Variants in ALG1 observed in about 807,000 individuals in gnomAD.
ALG1 encodes chitobiosyldiphosphodolichol beta-mannosyltransferase.
ALG1 carries 58 observed loss-of-function variants against 55.1 expected under a neutral mutation model. The ratio of observed to expected loss-of-function variants is 1.05; its 90% CI spans 0.85 to 1.31. The LOEUF (loss-of-function observed/expected upper bound fraction) is 1.31, where lower values mean the gene tolerates loss of function less well. Ranked by LOEUF, ALG1 falls within the 50% of genes most tolerant of loss-of-function variation. The pLI, the probability that ALG1 is intolerant of heterozygous loss-of-function variation, is 0.00. For missense variants in ALG1, 761 were observed against 598.6 expected (o/e 1.27, Z -2.83); for synonymous variants, 309 against 247.0 (o/e 1.25, Z -2.35).
chr16:5,084,180 G>A lies in ALG1; in HGVS notation c.1263+423G>A, dbSNP rs181795268. 3.4e-3 allele frequency: 978 copies of A among 289,234 alleles called. 4 individuals are homozygous for A. The highest frequency in any genetic ancestry group is 4.6e-3 in the Non-Finnish European group (687 of 150,870). 17.9% of individuals were successfully genotyped at this position (289,234 alleles called of 1,614,324 possible). A position where few individuals can be genotyped will look rare whatever the true frequency, so the allele number is the denominator to read the frequency against. ...TTCTTGCCAACAGAATGATTGGCAG[G>A]ATTTTCAGTAAAGGTCCAGGTCGGA... is the stretch of plus-strand genomic sequence containing the variant. On this transcript the variant is annotated intron_variant, in intron 12 of 12. Transcript: ENST00000262374.
In ALG1 at chr16:5,075,522, T is replaced by G; in HGVS notation, c.525T>G (p.Val175=). ...GLVHGPNHPL[V]LLAKWYEKFF... is the part of the protein sequence containing the mutation. The stretch of plus-strand genomic sequence containing the variant: ...TGCATGGCCCCAACCATCCCCTCGT[T>G]CTGCTGGCCAAGTGGTGAGAGTCTA... Residue 175 remains valine, a synonymous_variant, in exon 4 of 13, where the codon GTT becomes GTG. Coordinates refer to ENST00000262374, the MANE Select transcript of ALG1 (RefSeq NM_019109.5). 1 of 1,614,142 alleles carries G rather than the reference T, an allele frequency of 6.2e-7. No homozygotes were observed.
chr16:5,075,463 TG>T lies in ALG1; in HGVS notation c.468del (p.Trp156CysfsTer36), dbSNP rs913362824. The T allele has an allele frequency of 6.2e-7, 1 of 1,614,106 alleles. No individual in the cohort carries two copies. Among genetic ancestry groups the T allele is most frequent in the Non-Finnish European group, 8.5e-7 (1 of 1,180,048 alleles). On this transcript the variant is annotated frameshift_variant, in exon 4 of 13. Coordinates refer to ENST00000262374, the MANE Select transcript of ALG1 (RefSeq NM_019109.5). LOFTEE classifies it high-confidence loss of function. ...TTGTGGAAGCAAGCTCGTCATTGAC[TG>T]GCACAACTATGGCTACTCCATCATG... is the stretch of plus-strand genomic sequence containing the variant. ...CLCGSKLVID[W>X]HNYGYSIMGL...
intron 9 of ALG1, among the ~76,000 whole-genome samples, 170 bp downstream of exon 9, chr16:5,079,977 G>T (rs555915020): frequency 2.0e-5 from 3 of 152,108 alleles, no homozygotes; most frequent in South Asian, 4.1e-4. Flanking sequence ...CAGAGGCAGG[G>T]CAGGGAGCCC....
chr16:5,082,890 T>A (rs765411331), intron 11 of ALG1, among the ~76,000 whole-genome samples: 77 of 152,304 alleles, frequency 5.1e-4, no homozygotes, highest in Non-Finnish European at 9.8e-4. Flanking sequence ...TTTAGGTTGG[T>A]ACAAAAGTAA....
intron 12 of ALG1, chr16:5,084,342 G>A (rs573561677): frequency 2.6e-6 from 1 of 381,250 alleles, no homozygotes; most frequent in East Asian, 6.0e-5. Context: ...CACAGGCTGT[G>A]GGCTGGATTT....
chr16:5,081,395 A>C (rs1338324665), intron 10 of ALG1, among the ~76,000 whole-genome samples: 6 of 152,232 alleles, frequency 3.9e-5, no homozygotes, highest in Non-Finnish European at 8.8e-5. Flanking sequence ...ACGATGTGTC[A>C]AACAGCGTCG....
chr16:5,086,310 G>C lies in ALG1; in HGVS notation c.*1429G>C, dbSNP rs1957163583. ...AGATTGTGCCACTGCACTCCAGCCT[G>C]AGTGACAGGGTGAGACTAAGTCTCA... On this transcript the variant is annotated 3_prime_UTR_variant, in exon 13 of 13. Coordinates refer to ENST00000262374, the MANE Select transcript of ALG1 (RefSeq NM_019109.5). Among the ~76,000 whole-genome samples the C allele has an allele frequency of 1.4e-5, 2 of 139,486 alleles. No individual in the cohort carries two copies. The allele number at this position is 139,486 out of a possible 152,430, so 91.5% of individuals were successfully genotyped here.
At chr16:5,075,861 G>C (rs1956903064) in intron 4 of ALG1, among the ~76,000 whole-genome samples, 1 of 152,184 alleles carries the variant, frequency 6.6e-6, no homozygotes. Flanking sequence ...TTGTCCTCAC[G>C]TAGGCTCATT....
intron 8 of ALG1, among the ~76,000 whole-genome samples, chr16:5,079,410 A>G (rs1258487316): frequency 2.6e-5 from 4 of 152,112 alleles, no homozygotes; most frequent in African/African-American, 9.7e-5. Context: ...TTTTTTCTGA[A>G]TGGGCATGGT....
rs1234795312 is a variant in ALG1, at chr16:5,079,100, A to G, written c.899A>G (p.Glu300Gly). The part of the protein sequence containing the change: ...EDFSILLAAL[E>G]KFEQLTLDGH... ...TTCTCCATCCTGCTGGCAGCTTTAG[A>G]AAGTAGGTGTGTGGCTGCGGTGAGG... is the stretch of plus-strand genomic sequence containing the variant. The change falls in exon 8 of 13, where the codon GAA becomes GGA. Residue 300 changes from glutamate to glycine, a missense_variant and splice_region_variant. Glu to Gly is a moderately conservative substitution (Grantham distance 98). Transcript: ENST00000262374. 6.3e-7 allele frequency: 1 copy of G among 1,597,016 alleles called. No homozygotes were observed. The highest frequency in any genetic ancestry group is 8.5e-7 in the Non-Finnish European group (1 of 1,179,596).
chr16:5,084,903 C>T lies in ALG1; in HGVS notation c.*22C>T, dbSNP rs1280975109. On this transcript the variant is annotated 3_prime_UTR_variant, in exon 13 of 13. Transcript: ENST00000262374. ...ATAACTCCTGGGCCAGAGGCTAAAA[C>T]CCCAGGACCCCTGCTGTCCTTCCCG... is the stretch of plus-strand genomic sequence containing the variant. The T allele has an allele frequency of 3.8e-6, 6 of 1,595,442 alleles. No individual in the cohort carries two copies. The highest frequency in any genetic ancestry group is 5.1e-6 in the Non-Finnish European group (6 of 1,179,304).
At chr16:5,076,567 A>T (rs1956918010) in intron 4 of ALG1, among the ~76,000 whole-genome samples, 1 of 152,214 alleles carries the variant, frequency 6.6e-6, no homozygotes, top group Non-Finnish European at 1.5e-5. Flanking sequence ...GCATCTTGAG[A>T]GGAACAGGCG....
Position 5,078,788 on chromosome 16 carries a change from TCGGCCTTCA to T in ALG1, c.776_784del (p.Ala259_Thr261del). 4 of 1,612,826 alleles carry T rather than the reference TCGGCCTTCA, an allele frequency of 2.5e-6. No individual in the cohort carries two copies. Among genetic ancestry groups the T allele is most frequent in the Non-Finnish European group, 3.4e-6 (4 of 1,179,790 alleles). On this transcript the variant is annotated inframe_deletion, in exon 7 of 13. Coordinates refer to ENST00000262374, the MANE Select transcript of ALG1 (RefSeq NM_019109.5). ...ACCTGAGGACCCAGTCACGGAGCGGTCGGCCTTCACGGAGCGGGATGCTGGGAGCGGGCT... is the reference window on the plus strand; with the variant it reads ...ACCTGAGGACCCAGTCACGGAGCGGTCGGAGCGGGATGCTGGGAGCGGGCT...
At position 5,082,545 on chromosome 16, in the gene ALG1, C is replaced by T; in HGVS notation, c.1073-14C>T. 1 of 1,611,716 alleles carries T rather than the reference C, an allele frequency of 6.2e-7. No individual in the cohort carries two copies. The highest frequency in any genetic ancestry group is 8.5e-7 in the Non-Finnish European group (1 of 1,179,596). The stretch of plus-strand genomic sequence containing the variant: ...CAGAGACCAGTGCTCTGACCCACCC[C>T]TCTTGCCTAGCAGGGTCGGCGGACC... On this transcript the variant is annotated splice_polypyrimidine_tract_variant and intron_variant, in intron 10 of 12. Coordinates refer to ENST00000262374, the MANE Select transcript of ALG1 (RefSeq NM_019109.5).
intron 12 of ALG1, among the ~76,000 whole-genome samples, 166 bp downstream of exon 12, chr16:5,083,923 C>G (rs911103268): frequency 2.0e-5 from 3 of 152,104 alleles, no homozygotes; most frequent in African/African-American, 7.2e-5. Context: ...TCTGCTGTCC[C>G]GTTTCGGTAC....
Position 5,087,253 on chromosome 16 carries a change from A to G in ALG1, c.*2372A>G, listed in dbSNP as rs1192668991. Reference sequence around the variant, plus strand: ...TCACAAAAAAACCTCGTACTGTTTGAAGAAAGTTTACAGATTTGCGTTGGG... The same window carrying G: ...TCACAAAAAAACCTCGTACTGTTTGGAGAAAGTTTACAGATTTGCGTTGGG... On this transcript the variant is annotated 3_prime_UTR_variant, in exon 13 of 13. Transcript: ENST00000262374. 6.6e-6 allele frequency: 1 copy of G among 152,238 alleles called. No individual in the cohort carries two copies. Among genetic ancestry groups the G allele is most frequent in the Non-Finnish European group, 1.5e-5 (1 of 68,040 alleles). The allele number at this position is 152,238 out of a possible 1,614,324, so 9.4% of individuals were successfully genotyped here.
intron 9 of ALG1, 147 bp from the exon 10 acceptor site, chr16:5,080,799 G>A (rs1957002806): frequency 1.8e-6 from 2 of 1,141,868 alleles, no homozygotes; most frequent in Non-Finnish European, 2.6e-6. Flanking sequence ...GTTGCTTCTG[G>A]AAGGGCCCGG....
At chr16:5,072,125 G>C in intron 1 of ALG1, 68 bp downstream of exon 1, 1 of 1,548,910 alleles carries the variant, frequency 6.5e-7, no homozygotes, top group Non-Finnish European at 8.7e-7. Flanking sequence ...TAACCGCCCC[G>C]GGGAGTCGAG....
Position 5,072,035 on chromosome 16 carries a change from G to C in ALG1, c.186G>C (p.Ser62=). 6.3e-7 allele frequency: 1 copy of C among 1,591,650 alleles called. No homozygotes were observed. Residue 62 remains serine, a synonymous_variant, in exon 1 of 13, where the codon TCG becomes TCC. Transcript: ENST00000262374. ...HALSLAMHGF[S]VTLLGFCNSK... ...TGTCGTTGGCCATGCACGGCTTCTC[G>C]GTGACCCTCCTGGGGTTCTGCAGTG...
Sources: allele counts gnomAD v4.1 joint callset (sites outside exome capture counted in the v4.1 genomes callset), GRCh38; gene constraint gnomAD v4.1.1; transcripts MANE v1.5; gene names NCBI Gene and HGNC (gene_info 2026-07-23, HGNC 2026-07-21).